SGCZ: variants seen among roughly 807,000 people sequenced by gnomAD.
SGCZ encodes the protein sarcoglycan zeta, also known as zeta-sarcoglycan.
In SGCZ, 40 loss-of-function variants were observed where a neutral mutation model predicts 41.3. The observed-to-expected ratio is 0.97, with a 90% confidence interval of 0.75 to 1.26. The LOEUF (loss-of-function observed/expected upper bound fraction) is 1.26. Among genes scored for constraint, SGCZ ranks in the 50% most tolerant of loss-of-function variants. The pLI, the probability that SGCZ is intolerant of heterozygous loss-of-function variation, is 0.00. For missense variants in SGCZ, 552 were observed against 369.8 expected, an observed-to-expected ratio of 1.49 and a Z score of -4.04; for synonymous variants, 206 against 137.5, an observed-to-expected ratio of 1.50 and a Z score of -3.49.
At chr8:15,031,706 C>T (rs1218126535) in intron 1 of SGCZ, among the ~76,000 whole-genome samples, 1 of 152,080 alleles carries the variant, frequency 6.6e-6, no homozygotes, top group Admixed American at 6.5e-5. Context: ...CTAAATTATT[C>T]ATAGGACAAT....
At chr8:14,894,486 T>C (rs1185191097) in intron 1 of SGCZ, among the ~76,000 whole-genome samples, 2 of 152,170 alleles carry the variant, frequency 1.3e-5, no homozygotes, top group Non-Finnish European at 2.9e-5. Flanking sequence ...TAGACAGAAA[T>C]GGACAAGGAC....
chr8:15,150,983 G>C (rs1329913191), intron 1 of SGCZ, among the ~76,000 whole-genome samples: 2 of 152,206 alleles, frequency 1.3e-5, no homozygotes, highest in Non-Finnish European at 2.9e-5. Flanking sequence ...AATAGAACAT[G>C]GCAGAAATTA....
intron 1 of SGCZ, among the ~76,000 whole-genome samples, chr8:14,755,583 T>A (rs1799638992): frequency 6.6e-6 from 1 of 152,204 alleles, no homozygotes; most frequent in Non-Finnish European, 1.5e-5. Context: ...TGACCTTTGA[T>A]AAGCTTTTAT....
intron 1 of SGCZ, among the ~76,000 whole-genome samples, chr8:14,873,678 G>A (rs918409511): frequency 2.0e-5 from 3 of 152,072 alleles, no homozygotes; most frequent in Admixed American, 6.6e-5. Context: ...ATAAAGATGA[G>A]AATAGGTCAA....
At chr8:14,516,185 G>A (rs28687904) in intron 2 of SGCZ, among the ~76,000 whole-genome samples, 1 of 151,530 alleles carries the variant, frequency 6.6e-6, no homozygotes, top group Non-Finnish European at 1.5e-5. Flanking sequence ...ACATGTGAAG[G>A]TTTGATACAT....
At chr8:14,853,582 T>G (rs189366469) in intron 1 of SGCZ, 2 of 450,156 alleles carry the variant, frequency 4.4e-6, no homozygotes, top group East Asian at 1.3e-4. Flanking sequence ...CATTGCAGGT[T>G]AAAAAAAAAT....
chr8:14,169,523 G>A (rs1277682495), intron 4 of SGCZ, among the ~76,000 whole-genome samples: 3 of 151,972 alleles, frequency 2.0e-5, no homozygotes, highest in African/African-American at 7.2e-5. Context: ...TACTTTTCCT[G>A]GAAATCTTTG....
At chr8:14,335,314 T>C (rs951739364) in intron 2 of SGCZ, among the ~76,000 whole-genome samples, 4 of 152,070 alleles carry the variant, frequency 2.6e-5, no homozygotes, top group Admixed American at 6.6e-5. Flanking sequence ...CTCAACTGAA[T>C]TTTAAAAGAC....
intron 1 of SGCZ, among the ~76,000 whole-genome samples, chr8:15,200,021 T>C (rs1800844531): frequency 6.6e-6 from 1 of 152,202 alleles, no homozygotes; most frequent in Non-Finnish European, 1.5e-5. Flanking sequence ...TACTTTCTTG[T>C]TTCTTGGTTT....
At chr8:14,138,515 A>C (rs1803270814) in intron 5 of SGCZ, among the ~76,000 whole-genome samples, 1 of 99,358 alleles carries the variant, frequency 1.0e-5, no homozygotes, top group South Asian at 3.5e-4. Flanking sequence ...GGGAAAACAA[A>C]AAAAAAAAAA....
chr8:14,901,654 T>C (rs1015508715), intron 1 of SGCZ, among the ~76,000 whole-genome samples: 3 of 152,092 alleles, frequency 2.0e-5, no homozygotes, highest in African/African-American at 4.8e-5. Context: ...CCTTTGTATA[T>C]GGAAACAGTC....
intron 2 of SGCZ, among the ~76,000 whole-genome samples, chr8:14,380,383 T>C (rs1804314865): frequency 6.6e-6 from 1 of 152,190 alleles, no homozygotes; most frequent in African/African-American, 2.4e-5. Flanking sequence ...TAGATAAACT[T>C]ATACTCTGAT....
intron 1 of SGCZ, among the ~76,000 whole-genome samples, chr8:14,797,442 T>C (rs2066151644): frequency 6.6e-6 from 1 of 152,164 alleles, no homozygotes; most frequent in African/African-American, 2.4e-5. Context: ...ATCTTAGAGC[T>C]CTGTGTAACA....
At chr8:14,217,346 C>A (rs906433499) in intron 4 of SGCZ, among the ~76,000 whole-genome samples, 1 of 148,756 alleles carries the variant, frequency 6.7e-6, no homozygotes, top group Non-Finnish European at 1.5e-5. Flanking sequence ...CACACCCACA[C>A]GCACACATAC....
intron 1 of SGCZ, among the ~76,000 whole-genome samples, chr8:15,236,914 C>T (rs1802143747): frequency 6.6e-6 from 1 of 152,158 alleles, no homozygotes; most frequent in Admixed American, 6.5e-5. Flanking sequence ...CTCCCCGCCC[C>T]CTGCCCGAGT....
intron 7 of SGCZ, among the ~76,000 whole-genome samples, chr8:14,100,447 C>T (rs1050842762): frequency 1.3e-5 from 2 of 149,872 alleles, no homozygotes; most frequent in Non-Finnish European, 3.0e-5. Context: ...GAAAGACTTC[C>T]GTCCTACTGT....
At chr8:14,850,233 T>C (rs191502466) in intron 1 of SGCZ, among the ~76,000 whole-genome samples, 4 of 152,202 alleles carry the variant, frequency 2.6e-5, no homozygotes, top group Admixed American at 2.6e-4. Context: ...GTTCATTCAA[T>C]AACAATTTAC....
chr8:14,755,378 T>G (rs1799629533), intron 1 of SGCZ, among the ~76,000 whole-genome samples: 1 of 152,140 alleles, frequency 6.6e-6, no homozygotes, highest in Non-Finnish European at 1.5e-5. Context: ...GGAACATAAA[T>G]CCAAATGAAC....
At chr8:14,851,220 T>C (rs1803309507) in intron 1 of SGCZ, among the ~76,000 whole-genome samples, 1 of 151,620 alleles carries the variant, frequency 6.6e-6, no homozygotes, top group African/African-American at 2.4e-5. Flanking sequence ...ATACAAAAAA[T>C]TAGCCAGGCA....
Sources: allele counts gnomAD v4.1 joint callset (sites outside exome capture counted in the v4.1 genomes callset), GRCh38; gene constraint gnomAD v4.1.1; transcripts MANE v1.5; gene names NCBI Gene and HGNC (gene_info 2026-07-23, HGNC 2026-07-21).